Variants in PARD3B observed in about 807,000 individuals in gnomAD.
The protein encoded by PARD3B is partitioning defective 3 homolog B.
A neutral mutation model predicts 130.2 loss-of-function variants in PARD3B; 103 were observed. That is an observed-to-expected ratio of 0.79 (90% confidence interval 0.67 to 0.93). The LOEUF is 0.93. PARD3B is among the 40% of genes least tolerant of loss of function. The probability of loss-of-function intolerance (pLI) is 0.00; values close to 1 mark genes in which losing one functional copy is unlikely to be tolerated. For missense variants in PARD3B, 1,609 were observed against 1,499.2 expected, an observed-to-expected ratio of 1.07 and a Z score of -1.21; for synonymous variants, 583 against 553.2, an observed-to-expected ratio of 1.05 and a Z score of -0.76.
At chr2:205,413,090 T>C (rs2046655985) in intron 19 of PARD3B, among the ~76,000 whole-genome samples, 1 of 152,146 alleles carries the variant, frequency 6.6e-6, no homozygotes, top group African/African-American at 2.4e-5. Context: ...GTTTGAAGCC[T>C]AGCTGTTCCC....
intron 3 of PARD3B, among the ~76,000 whole-genome samples, chr2:205,026,637 A>G (rs1697051288): frequency 6.6e-6 from 1 of 152,154 alleles, no homozygotes; most frequent in African/African-American, 2.4e-5. Context: ...GAATTTATCC[A>G]TCTTGTAACT....
At chr2:204,670,933 T>C (rs1361646127) in intron 1 of PARD3B, among the ~76,000 whole-genome samples, 1 of 152,200 alleles carries the variant, frequency 6.6e-6, no homozygotes, top group Non-Finnish European at 1.5e-5. Flanking sequence ...CAAAAATCTA[T>C]TGATTTTGGA....
chr2:205,187,307 AGC>A lies in PARD3B; in HGVS notation c.2024+1445_2024+1446del, dbSNP rs1263181921. Among the ~76,000 whole-genome samples the A allele has an allele frequency of 2.0e-5, 3 of 152,202 alleles. No individual in the cohort carries two copies. The highest frequency in any genetic ancestry group is 4.4e-5 in the Non-Finnish European group (3 of 68,038). On this transcript the variant is annotated intron_variant, in intron 14 of 22. Transcript: ENST00000406610. This position sits in a 1 kb window ranked among gnomAD's most constrained non-coding sequence, Gnocchi z 4.9. Reference sequence around the variant, plus strand: ...GAGTAAATTGAATTGTACAAGGTGGAGCTGATCAGCCAGATGATAAAGCCCAG... The same window carrying A: ...GAGTAAATTGAATTGTACAAGGTGGATGATCAGCCAGATGATAAAGCCCAG...
Position 205,197,032 on chromosome 2 carries a change from G to GGGTGTGT in PARD3B, c.2140+3713_2140+3714insGTGTGTG, listed in dbSNP as rs1553636919. Among the ~76,000 whole-genome samples, 73 of 55,170 alleles carry GGGTGTGT rather than the reference G, an allele frequency of 1.3e-3. 1 individual carries two copies. The highest frequency in any genetic ancestry group is 1.8e-3 in the Non-Finnish European group (57 of 30,956). 36.2% of individuals were successfully genotyped at this position (55,170 alleles called of 152,430 possible). A position where few individuals can be genotyped will look rare whatever the true frequency, so the allele number is the denominator to read the frequency against. Reference sequence around the variant, plus strand: ...AGGAATGCTTCCACTGTGGGGGGGGGGTGTGTGTGTGTGTGTGTGTGTGTG... The same window carrying GGGTGTGT: ...AGGAATGCTTCCACTGTGGGGGGGGGGGTGTGTGTGTGTGTGTGTGTGTGTGTGTGTG... On this transcript the variant is annotated intron_variant, in intron 15 of 22. Transcript: ENST00000406610.
intron 20 of PARD3B, among the ~76,000 whole-genome samples, chr2:205,498,736 C>G (rs2050039126): frequency 6.6e-6 from 1 of 152,202 alleles, no homozygotes; most frequent in African/African-American, 2.4e-5. Context: ...GAATATCCTC[C>G]TCTCACTTGT....
In PARD3B at chr2:205,113,598, C is replaced by T. The variant is rs201345530; in HGVS notation, c.680+21C>T. 394 of 1,583,282 alleles carry T rather than the reference C, an allele frequency of 2.5e-4. 1 individual carries two copies. The highest frequency in any genetic ancestry group is 3.3e-4 in the Admixed American group (19 of 57,860). On this transcript the variant is annotated intron_variant, in intron 6 of 22. Transcript: ENST00000406610. ...GGAAGGTAAGATGTTTTTCTCATTCCAGAAGCTCATGCTAATGAAAACCCT... is the reference window on the plus strand; with the variant it reads ...GGAAGGTAAGATGTTTTTCTCATTCTAGAAGCTCATGCTAATGAAAACCCT...
Position 205,172,250 on chromosome 2 carries a change from A to G in PARD3B, c.1660A>G (p.Asn554Asp), listed in dbSNP as rs537661262. 2 of 1,614,012 alleles carry G rather than the reference A, an allele frequency of 1.2e-6. No homozygotes were observed. The highest frequency in any genetic ancestry group is 1.7e-6 in the Non-Finnish European group (2 of 1,180,014). The change falls in exon 12 of 23, where the codon AAT becomes GAT. Residue 554 changes from asparagine (N) to aspartate (D), a missense_variant. Coordinates refer to ENST00000406610, the MANE Select transcript of PARD3B (RefSeq NM_001302769.2). ...AATGAATGACCAGCTGATTGCAGTT[A>G]ATGGGGAATCTCTTTTGGGAAAGTC... is the stretch of plus-strand genomic sequence containing the variant. The part of the protein sequence containing the change: ...LRMNDQLIAV[N>D]GESLLGKSNH...
At chr2:205,349,852 T>C (rs2043933980) in intron 18 of PARD3B, among the ~76,000 whole-genome samples, 1 of 146,668 alleles carries the variant, frequency 6.8e-6, no homozygotes, top group African/African-American at 2.5e-5. Flanking sequence ...AGGAGAGTGA[T>C]ATTGTGTTTC....
chr2:204,786,124 A>G (rs1468354925), intron 2 of PARD3B, among the ~76,000 whole-genome samples: 2 of 151,958 alleles, frequency 1.3e-5, no homozygotes, highest in African/African-American at 2.4e-5. Context: ...AAAAAAAAAA[A>G]AAAAAAAAAG....
rs968985059 is a variant in PARD3B at position 204,907,182 on chromosome 2, G to A, written c.223-57970G>A. 1.4e-4 allele frequency among the ~76,000 whole-genome samples: 21 copies of A among 151,970 alleles called. No homozygotes were observed. Among genetic ancestry groups the A allele is most frequent in the African/African-American group, 4.6e-4 (19 of 41,358 alleles). The stretch of plus-strand genomic sequence containing the variant: ...TTTTTAGTAAAGACGGGGTTTCACC[G>A]TGTTATCCAGGATGGTCTTGATCTT... On this transcript the variant is annotated intron_variant, in intron 2 of 22. Coordinates refer to ENST00000406610, the MANE Select transcript of PARD3B (RefSeq NM_001302769.2). This position sits in a 1 kb window ranked among gnomAD's most constrained non-coding sequence, Gnocchi z 5.7.
At chr2:204,991,283 G>T (rs956554275) in intron 3 of PARD3B, among the ~76,000 whole-genome samples, 1 of 141,146 alleles carries the variant, frequency 7.1e-6, no homozygotes, top group African/African-American at 2.7e-5. Context: ...GTGTCCATGT[G>T]ATCTCATTGT....
chr2:205,138,823 G>A (rs952049340), intron 10 of PARD3B, among the ~76,000 whole-genome samples: 3 of 152,200 alleles, frequency 2.0e-5, no homozygotes, highest in African/African-American at 4.8e-5. Flanking sequence ...TTAAGTAAAT[G>A]TAGAGCTAAC....
chr2:205,000,266 G>T (rs1694719623), intron 3 of PARD3B, among the ~76,000 whole-genome samples: 1 of 152,166 alleles, frequency 6.6e-6, no homozygotes, highest in African/African-American at 2.4e-5. Flanking sequence ...CATTAGGCTT[G>T]TTAAATTATG....
intron 16 of PARD3B, chr2:205,293,904 A>G (rs1289281522): frequency 1.3e-5 from 2 of 152,158 alleles, no homozygotes; most frequent in African/African-American, 4.8e-5. Flanking sequence ...CAATAAGTCT[A>G]GGAAAGGTAG....
chr2:205,416,759 A>T (rs188887664), intron 19 of PARD3B, among the ~76,000 whole-genome samples: 1 of 152,222 alleles, frequency 6.6e-6, no homozygotes, highest in Non-Finnish European at 1.5e-5. Context: ...ACTGTAATAG[A>T]TGCTAAGGAC....
chr2:204,595,964 T>G (rs2033271721), intron 1 of PARD3B, among the ~76,000 whole-genome samples: 1 of 152,264 alleles, frequency 6.6e-6, no homozygotes, highest in African/African-American at 2.4e-5. Flanking sequence ...GCAGGTGCTA[T>G]GCTAGATGCT....
intron 10 of PARD3B, among the ~76,000 whole-genome samples, chr2:205,155,305 G>A (rs766151729): frequency 2.0e-5 from 3 of 152,114 alleles, no homozygotes; most frequent in Non-Finnish European, 2.9e-5. Context: ...CTATAGCTGA[G>A]TCCTTTCCCA....
At chr2:205,117,805 A>T (rs978808358) in intron 6 of PARD3B, among the ~76,000 whole-genome samples, 41 of 152,180 alleles carry the variant, frequency 2.7e-4, no homozygotes, top group African/African-American at 9.9e-4. Flanking sequence ...TCACGAGGAG[A>T]AGGGAAATCC....
At chr2:204,857,504 G>A (rs2045000921) in intron 2 of PARD3B, among the ~76,000 whole-genome samples, 1 of 152,116 alleles carries the variant, frequency 6.6e-6, no homozygotes, top group African/African-American at 2.4e-5. Context: ...AAAGTTTTAT[G>A]TGACATAGGA....
Sources: gnomAD v4.1 joint callset for allele counts (sites outside exome capture counted in the v4.1 genomes callset) on GRCh38, gnomAD v4.1.1 for gene constraint, Gnocchi (gnomAD v3.1) non-coding constraint, MANE v1.5 for transcripts, NCBI Gene and HGNC (gene_info 2026-07-23, HGNC 2026-07-21) for gene names.